The following ERC2 variants were observed in gnomAD, a reference collection of about 807,000 sequenced individuals.
ERC2 encodes the protein ELKS/RAB6-interacting/CAST family member 2.
ERC2 carries 42 observed loss-of-function variants against 114.8 expected under a neutral mutation model. The observed-to-expected ratio is 0.37, with a 90% CI of 0.29 to 0.47. The LOEUF (loss-of-function observed/expected upper bound fraction) is 0.47. Among genes scored for constraint, ERC2 ranks in the 20% least tolerant of loss-of-function variants. The probability of loss-of-function intolerance (pLI) is 0.99; values close to 1 mark genes in which losing one functional copy is unlikely to be tolerated. For missense variants in ERC2, 939 were observed against 1,150.7 expected, an observed-to-expected ratio of 0.82 and a Z score of 2.66; for synonymous variants, 454 against 425.5, an observed-to-expected ratio of 1.07 and a Z score of -0.82.
intron 7 of ERC2, among the ~76,000 whole-genome samples, chr3:56,028,443 T>C (rs1391024898): frequency 6.6e-6 from 1 of 152,104 alleles, no homozygotes; most frequent in Admixed American, 6.5e-5. Context: ...ATACAATACT[T>C]ATCTAAGTTT....
At chr3:55,947,490 C>A (rs941838580) in intron 13 of ERC2, among the ~76,000 whole-genome samples, 7 of 152,120 alleles carry the variant, frequency 4.6e-5, no homozygotes, top group African/African-American at 1.7e-4. Flanking sequence ...TTGCTTTGGG[C>A]CAATGCCAAG....
rs144762243 is a variant in ERC2, at chr3:55,781,800, A to T, written c.2565-46882T>A. On this transcript the variant is annotated intron_variant, in intron 14 of 17. Coordinates refer to ENST00000288221, the MANE Select transcript of ERC2 (RefSeq NM_015576.3). ...GGCAGGAGAATCGATTGAACCCAGGATGTGGAGGTTGCAGTGAGCCGAGAT... is the reference window on the plus strand; with the variant it reads ...GGCAGGAGAATCGATTGAACCCAGGTTGTGGAGGTTGCAGTGAGCCGAGAT... Among the ~76,000 whole-genome samples, 161 of 147,762 alleles carry T rather than the reference A, an allele frequency of 1.1e-3. No individual in the cohort carries two copies. The East Asian group carries it at 0.034, about 31-fold the overall frequency.
At chr3:55,798,210 T>C (rs192924755) in intron 14 of ERC2, among the ~76,000 whole-genome samples, 4 of 152,300 alleles carry the variant, frequency 2.6e-5, no homozygotes, top group Admixed American at 2.6e-4. Flanking sequence ...GATATAAATT[T>C]ATACATGTGT....
chr3:56,188,425 G>C (rs989905936), intron 3 of ERC2, among the ~76,000 whole-genome samples: 5 of 152,132 alleles, frequency 3.3e-5, no homozygotes, highest in Admixed American at 1.3e-4. Context: ...TGAATCAACA[G>C]CGTGTTCCCT....
At chr3:55,683,231 T>G (rs900459319) in intron 17 of ERC2, among the ~76,000 whole-genome samples, 1 of 152,224 alleles carries the variant, frequency 6.6e-6, no homozygotes, top group Non-Finnish European at 1.5e-5. Flanking sequence ...CATTCACCAT[T>G]ACTATGCCTT....
At chr3:55,976,725 G>C (rs906897471) in intron 12 of ERC2, among the ~76,000 whole-genome samples, 5 of 152,154 alleles carry the variant, frequency 3.3e-5, no homozygotes, top group Non-Finnish European at 7.3e-5. Context: ...GACATTTAAA[G>C]TTCACTTGGC....
chr3:56,260,268 C>T (rs1483957233), intron 3 of ERC2, among the ~76,000 whole-genome samples: 2 of 152,190 alleles, frequency 1.3e-5, no homozygotes, highest in African/African-American at 4.8e-5. Flanking sequence ...TCCTGGGACT[C>T]TCTGCCACTG....
intron 2 of ERC2, among the ~76,000 whole-genome samples, chr3:56,331,683 G>A (rs986809040): frequency 1.2e-4 from 19 of 152,070 alleles, no homozygotes; most frequent in Admixed American, 3.3e-4. Flanking sequence ...AGAACACTGA[G>A]ACCTAAAAAT....
chr3:55,859,107 C>T (rs371084819), intron 14 of ERC2, among the ~76,000 whole-genome samples: 46 of 152,124 alleles, frequency 3.0e-4, no homozygotes, highest in Non-Finnish European at 1.3e-4. Context: ...TCTCCAATAG[C>T]GTCCAGCTCT....
At position 56,267,497 on chromosome 3, in the gene ERC2, C is replaced by T. The variant is rs547753426; in HGVS notation, c.1074+28522G>A. 9.2e-5 allele frequency among the ~76,000 whole-genome samples: 14 copies of T among 152,062 alleles called. No individual in the cohort carries two copies. The South Asian group carries it at 2.5e-3, about 27-fold the overall frequency. ...GTAAAACAGGGAGATGTTGGCAGGG[C>T]GCAGTGGCTCACGCCTGTAATCCCA... is the stretch of plus-strand genomic sequence containing the variant. On this transcript the variant is annotated intron_variant, in intron 3 of 17. Coordinates refer to ENST00000288221, the MANE Select transcript of ERC2 (RefSeq NM_015576.3).
At chr3:55,970,595 A>G (rs914342898) in intron 12 of ERC2, among the ~76,000 whole-genome samples, 1 of 152,170 alleles carries the variant, frequency 6.6e-6, no homozygotes, top group Non-Finnish European at 1.5e-5. Flanking sequence ...AAGATCTTCA[A>G]TCTCACTAGT....
chr3:56,461,459 G>A lies in ERC2; in HGVS notation c.-141+6789C>T, dbSNP rs1418989270. ...CTCAACACACATTTCCGTAATCATTGCAGTAGAAGAGGGCACTGGGTGCTC... is the reference window on the plus strand; with the variant it reads ...CTCAACACACATTTCCGTAATCATTACAGTAGAAGAGGGCACTGGGTGCTC... On this transcript the variant is annotated intron_variant, in intron 1 of 17. Transcript: ENST00000288221. 3.9e-5 allele frequency among the ~76,000 whole-genome samples: 6 copies of A among 152,306 alleles called. No individual in the cohort carries two copies. The South Asian group carries it at 1.0e-3, about 26-fold the overall frequency.
At chr3:55,836,761 A>C (rs1254679383) in intron 14 of ERC2, among the ~76,000 whole-genome samples, 2 of 152,324 alleles carry the variant, frequency 1.3e-5, no homozygotes, top group East Asian at 1.9e-4. Flanking sequence ...AATGGGATCT[A>C]ATTAAACTAA....
At chr3:55,987,232 G>A (rs888632970) in intron 11 of ERC2, among the ~76,000 whole-genome samples, 10 of 152,320 alleles carry the variant, frequency 6.6e-5, no homozygotes, top group African/African-American at 2.2e-4. Flanking sequence ...GTCAGGACAC[G>A]ATCACTGTGG....
At chr3:56,412,851 A>G (rs182603773) in intron 2 of ERC2, among the ~76,000 whole-genome samples, 3 of 152,372 alleles carry the variant, frequency 2.0e-5, no homozygotes, top group Admixed American at 2.0e-4. Flanking sequence ...ACTTAATTAT[A>G]GATAAAGGTT....
chr3:56,232,262 C>A (rs1341734234), intron 3 of ERC2, among the ~76,000 whole-genome samples: 3 of 151,576 alleles, frequency 2.0e-5, no homozygotes, highest in Non-Finnish European at 4.4e-5. Context: ...AGCCACCATG[C>A]CTGGCCTATA....
At chr3:56,058,035 T>C (rs2076088494) in intron 7 of ERC2, among the ~76,000 whole-genome samples, 1 of 152,238 alleles carries the variant, frequency 6.6e-6, no homozygotes, top group Non-Finnish European at 1.5e-5. Context: ...ATATAATCAA[T>C]GTGATTTTCA....
intron 12 of ERC2, among the ~76,000 whole-genome samples, chr3:55,958,496 C>T (rs2068124273): frequency 6.6e-6 from 1 of 152,204 alleles, no homozygotes; most frequent in South Asian, 2.1e-4. Flanking sequence ...GAAGGTGGGG[C>T]TTCACCAGGG....
chr3:55,998,675 T>C (rs2071792469), intron 10 of ERC2, among the ~76,000 whole-genome samples: 1 of 152,198 alleles, frequency 6.6e-6, no homozygotes, highest in Non-Finnish European at 1.5e-5. Context: ...ACAATGACTG[T>C]GAAAGCATTT....
Sources: gnomAD v4.1 joint callset for allele counts (sites outside exome capture counted in the v4.1 genomes callset) on GRCh38, gnomAD v4.1.1 for gene constraint, MANE v1.5 for transcripts, NCBI Gene and HGNC (gene_info 2026-07-23, HGNC 2026-07-21) for gene names.